The following ADAMTS19 variants were observed in gnomAD, a reference collection of about 807,000 sequenced individuals.
The protein encoded by ADAMTS19 is A disintegrin and metalloproteinase with thrombospondin motifs 19.
In ADAMTS19, 93 loss-of-function variants were observed where a neutral mutation model predicts 153.3. That is an observed-to-expected ratio of 0.61 (90% CI 0.51 to 0.72). ADAMTS19 has a LOEUF of 0.72. Ranked by LOEUF, ADAMTS19 falls within the 30% of genes least tolerant of loss-of-function variation. The probability of loss-of-function intolerance (pLI) is 0.00; values close to 1 mark genes in which losing one functional copy is unlikely to be tolerated. For missense variants in ADAMTS19, 1,482 were observed against 1,552.1 expected (o/e 0.95, Z 0.76); for synonymous variants, 600 against 556.6 (o/e 1.08, Z -1.10).
intron 13 of ADAMTS19, among the ~76,000 whole-genome samples, chr5:129,650,925 C>A (rs1440242620): frequency 6.6e-6 from 1 of 152,116 alleles, no homozygotes; most frequent in Non-Finnish European, 1.5e-5. Context: ...CTAATGTCAT[C>A]CAGGAGTCTC....
intron 21 of ADAMTS19, among the ~76,000 whole-genome samples, chr5:129,727,319 T>C (rs1554111300): frequency 6.6e-6 from 1 of 152,170 alleles, no homozygotes; most frequent in Non-Finnish European, 1.5e-5. Flanking sequence ...GGATAATAAA[T>C]TATATGATCA....
In ADAMTS19 at chr5:129,737,994, G is replaced by T. The variant is rs1757743052; in HGVS notation, c.*776G>T. On this transcript the variant is annotated 3_prime_UTR_variant, in exon 23 of 23. Transcript: ENST00000274487. ...GTATTATTTTAACATGTTATCACTA[G>T]ATTTTAGCTTTTTTTAAATATTTTT... The T allele has an allele frequency of 2.0e-5, 3 of 152,408 alleles. No individual in the cohort carries two copies. In the South Asian group the frequency reaches 6.2e-4, roughly 32 times the overall value. 9.4% of individuals were successfully genotyped at this position (152,408 alleles called of 1,614,324 possible).
intron 7 of ADAMTS19, among the ~76,000 whole-genome samples, chr5:129,581,898 T>C (rs1384737666): frequency 6.6e-6 from 1 of 152,188 alleles, no homozygotes; most frequent in Non-Finnish European, 1.5e-5. Flanking sequence ...TCAGTTTCCA[T>C]GTAGTTGTGC....
In ADAMTS19 at chr5:129,461,589, G is replaced by A; in HGVS notation, c.579G>A (p.Leu193=). 1 of 1,579,878 alleles carries A rather than the reference G, an allele frequency of 6.3e-7. No homozygotes were observed. The highest frequency in any genetic ancestry group is 8.5e-7 in the Non-Finnish European group (1 of 1,170,130). ...YLLLRRDGRF[L]APRFAVEQRP... ...TGCTCCGGAGAGACGGCCGCTTCCTGGCGCCGCGCTTCGCAGTGGAACAGC... is the reference window on the plus strand; with the variant it reads ...TGCTCCGGAGAGACGGCCGCTTCCTAGCGCCGCGCTTCGCAGTGGAACAGC... Residue 193 remains leucine, a synonymous_variant, in exon 2 of 23, where the codon CTG becomes CTA. Coordinates refer to ENST00000274487, the MANE Select transcript of ADAMTS19 (RefSeq NM_133638.6). The surrounding 1 kb of genome is among the most constrained non-coding windows in gnomAD (Gnocchi z 4.6).
At chr5:129,534,610 G>C (rs1752344983) in intron 6 of ADAMTS19, among the ~76,000 whole-genome samples, 1 of 152,020 alleles carries the variant, frequency 6.6e-6, no homozygotes, top group Non-Finnish European at 1.5e-5. Flanking sequence ...GCCTGGCAGA[G>C]ACACAACAAA....
chr5:129,535,922 T>C (rs910919922), intron 6 of ADAMTS19, among the ~76,000 whole-genome samples: 5 of 152,214 alleles, frequency 3.3e-5, no homozygotes, highest in African/African-American at 1.2e-4. Flanking sequence ...CAAGATGGAT[T>C]AAAGACTTAC....
intron 18 of ADAMTS19, among the ~76,000 whole-genome samples, chr5:129,686,303 T>G (rs890751618): frequency 6.6e-6 from 1 of 151,808 alleles, no homozygotes; most frequent in African/African-American, 2.4e-5. Context: ...TTAGGTGCAA[T>G]AGGAGGAATA....
chr5:129,735,393 C>G (rs142217926), intron 22 of ADAMTS19, among the ~76,000 whole-genome samples: 2 of 152,042 alleles, frequency 1.3e-5, no homozygotes, highest in East Asian at 3.9e-4. Flanking sequence ...AATTTAGACT[C>G]GGATCAATCT....
At chr5:129,696,219 A>G (rs1381547028) in intron 19 of ADAMTS19, among the ~76,000 whole-genome samples, 1 of 152,098 alleles carries the variant, frequency 6.6e-6, no homozygotes, top group Non-Finnish European at 1.5e-5. Context: ...GAAGTTTGAG[A>G]CAAGTCTGAC....
intron 9 of ADAMTS19, among the ~76,000 whole-genome samples, chr5:129,621,142 G>A (rs1476419500): frequency 4.6e-5 from 7 of 151,852 alleles, no homozygotes; most frequent in South Asian, 2.1e-4. Context: ...TTCACTTTTC[G>A]TTTGTAATAC....
chr5:129,504,200 C>A (rs897771647), intron 2 of ADAMTS19, among the ~76,000 whole-genome samples: 2 of 152,206 alleles, frequency 1.3e-5, no homozygotes, highest in African/African-American at 4.8e-5. Context: ...TGCCCCCACT[C>A]ATAATGCCTC....
intron 6 of ADAMTS19, among the ~76,000 whole-genome samples, chr5:129,549,418 T>C (rs1243045054): frequency 6.6e-6 from 1 of 151,850 alleles, no homozygotes; most frequent in East Asian, 1.9e-4. Flanking sequence ...TGCAGTACTG[T>C]ATATTAATAT....
At chr5:129,528,816 C>A in intron 6 of ADAMTS19, 139 bp downstream of exon 6, 1 of 610,530 alleles carries the variant, frequency 1.6e-6, no homozygotes, top group Non-Finnish European at 2.6e-6. Flanking sequence ...TGTTAGTCAT[C>A]TCCCTCAAAT....
At chr5:129,468,964 G>A (rs545381963) in intron 2 of ADAMTS19, among the ~76,000 whole-genome samples, 1 of 151,768 alleles carries the variant, frequency 6.6e-6, no homozygotes, top group Non-Finnish European at 1.5e-5. Flanking sequence ...TTTAGTAGAG[G>A]TGGGGTTTTG....
intron 6 of ADAMTS19, among the ~76,000 whole-genome samples, chr5:129,539,971 G>T (rs189112024): frequency 1.6e-3 from 245 of 152,118 alleles, no homozygotes; most frequent in Non-Finnish European, 3.2e-3. Context: ...GGTTAATAAA[G>T]ATTAAATGAG....
intron 6 of ADAMTS19, among the ~76,000 whole-genome samples, chr5:129,541,612 T>C (rs1752656363): frequency 1.3e-5 from 2 of 152,074 alleles, no homozygotes; most frequent in Admixed American, 1.3e-4. Context: ...TCCCCAGACT[T>C]CTTTCTCACT....
At chr5:129,481,832 T>C (rs573691999) in intron 2 of ADAMTS19, among the ~76,000 whole-genome samples, 1 of 152,306 alleles carries the variant, frequency 6.6e-6, no homozygotes, top group Non-Finnish European at 1.5e-5. Context: ...TACGTATAAA[T>C]AGAGTGCAGG....
chr5:129,622,241 G>C lies in ADAMTS19; in HGVS notation c.1663G>C (p.Val555Leu), dbSNP rs150344196. 6.2e-7 allele frequency: 1 copy of C among 1,614,102 alleles called. No individual in the cohort carries two copies. Among genetic ancestry groups the C allele is most frequent in the Non-Finnish European group, 8.5e-7 (1 of 1,180,000 alleles). ...NCLLQTNPQSVNSVMVPSKLP... is the reference protein window; with the variant it reads ...NCLLQTNPQSLNSVMVPSKLP... ...CTTGCTACAAACAAATCCGCAGAGTGTCAATTCTGTGATGGTTCCCTCCAA... is the reference window on the plus strand; with the variant it reads ...CTTGCTACAAACAAATCCGCAGAGTCTCAATTCTGTGATGGTTCCCTCCAA... Residue 555 changes from valine to leucine, a missense_variant, in exon 10 of 23, where the codon GTC (valine) becomes CTC (leucine). By Grantham distance (32) the Val-to-Leu change is conservative (BLOSUM62 1). Coordinates refer to ENST00000274487, the MANE Select transcript of ADAMTS19 (RefSeq NM_133638.6).
At chr5:129,611,579 G>T (rs6883503) in intron 8 of ADAMTS19, among the ~76,000 whole-genome samples, 4 of 151,972 alleles carry the variant, frequency 2.6e-5, no homozygotes, top group African/African-American at 7.2e-5. Flanking sequence ...TGTCAGATTT[G>T]TCAAAGATCA....
Sources: allele counts gnomAD v4.1 joint callset (sites outside exome capture counted in the v4.1 genomes callset), GRCh38; gene constraint gnomAD v4.1.1; non-coding constraint Gnocchi (gnomAD v3.1); transcripts MANE v1.5; gene names NCBI Gene and HGNC (gene_info 2026-07-23, HGNC 2026-07-21).